The following ACVR2A variants were observed in gnomAD, a reference collection of about 807,000 sequenced individuals.
The protein encoded by ACVR2A is activin receptor type-2A.
A neutral mutation model predicts 61.4 loss-of-function variants in ACVR2A; 7 were observed. The observed-to-expected ratio is 0.11, with a 90% CI of 0.06 to 0.21. ACVR2A has a LOEUF of 0.21. Among genes scored for constraint, ACVR2A ranks in the 10% least tolerant of loss-of-function variants. The probability of loss-of-function intolerance (pLI) is 1.00; values close to 1 mark genes in which losing one functional copy is unlikely to be tolerated. For synonymous variants in ACVR2A, 193 were observed against 208.3 expected, an observed-to-expected ratio of 0.93 and a Z score of 0.63; for missense variants, 322 against 621.7, an observed-to-expected ratio of 0.52 and a Z score of 5.13.
intron 1 of ACVR2A, among the ~76,000 whole-genome samples, chr2:147,870,991 A>G (rs1418809174): frequency 6.6e-6 from 1 of 152,092 alleles, no homozygotes; most frequent in African/African-American, 2.4e-5. Context: ...ATTTTCAATA[A>G]ATTTCTAAAT....
chr2:147,876,670 CTCT>C (rs969462788), intron 1 of ACVR2A, among the ~76,000 whole-genome samples: 2 of 152,010 alleles, frequency 1.3e-5, no homozygotes, highest in African/African-American at 4.8e-5. Flanking sequence ...CAGTTGTTTC[CTCT>C]TCTTAATTTG....
chr2:147,871,768 T>C (rs2105158538), intron 1 of ACVR2A, among the ~76,000 whole-genome samples: 1 of 152,132 alleles, frequency 6.6e-6, no homozygotes, highest in East Asian at 1.9e-4. Flanking sequence ...AAAGACAAAC[T>C]TGCCTTCTAC....
At chr2:147,896,837 A>G (rs1373402236) in intron 2 of ACVR2A, 1 of 205,520 alleles carries the variant, frequency 4.9e-6, no homozygotes, top group Non-Finnish European at 1.0e-5. Flanking sequence ...ATTACTTTAA[A>G]AGAGTATATC....
chr2:147,883,437 C>T (rs1301199762), intron 1 of ACVR2A, among the ~76,000 whole-genome samples: 7 of 152,302 alleles, frequency 4.6e-5, no homozygotes, highest in Admixed American at 1.3e-4. Context: ...GTTATCTGCC[C>T]GCCTTGGCTT....
rs1430491386 is a variant in ACVR2A, at chr2:147,928,311, G to GTATT, written c.*1039_*1042dup. 3.3e-5 allele frequency: 5 copies of GTATT among 152,200 alleles called. No individual in the cohort carries two copies. Among genetic ancestry groups the GTATT allele is most frequent in the African/African-American group, 1.2e-4 (5 of 41,374 alleles). 9.4% of individuals were successfully genotyped at this position (152,200 alleles called of 1,614,324 possible). On this transcript the variant is annotated 3_prime_UTR_variant, in exon 11 of 11. Transcript: ENST00000241416. ...CTATTTATATATGTAAAATTGTAGT[G>GTATT]TATTTCTTTTCACCAAACAGTGTGT...
At chr2:147,875,882 A>G (rs1463227582) in intron 1 of ACVR2A, among the ~76,000 whole-genome samples, 1 of 152,134 alleles carries the variant, frequency 6.6e-6, no homozygotes, top group Admixed American at 6.6e-5. Flanking sequence ...GGAAGATCAT[A>G]GGACATGTAA....
At chr2:147,919,072 C>T (rs896730853) in intron 7 of ACVR2A, among the ~76,000 whole-genome samples, 1 of 151,888 alleles carries the variant, frequency 6.6e-6, no homozygotes, top group Middle Eastern at 3.2e-3. Context: ...TTGTCATGCC[C>T]GCAAAAGGAA....
intron 4 of ACVR2A, among the ~76,000 whole-genome samples, chr2:147,905,769 A>T (rs1686974774): frequency 6.6e-6 from 1 of 152,126 alleles, no homozygotes; most frequent in South Asian, 2.1e-4. Context: ...CTCATCAGGC[A>T]TATATAATTT....
intron 4 of ACVR2A, chr2:147,902,831 C>G (rs912983527): frequency 6.6e-6 from 1 of 151,990 alleles, no homozygotes; most frequent in African/African-American, 2.4e-5. Flanking sequence ...CCCCATATTT[C>G]AACTTTACAT....
In ACVR2A at chr2:147,896,619, T is replaced by G. The variant is rs145758326; in HGVS notation, c.263+111T>G. On this transcript the variant is annotated intron_variant, in intron 2 of 10. Coordinates refer to ENST00000241416, the MANE Select transcript of ACVR2A (RefSeq NM_001616.5). Reference sequence around the variant, plus strand: ...ATTTTCACTTAAATGTTTCTTGCTTTTTAAAAAATGGGATTATAAAGAACA... The same window carrying G: ...ATTTTCACTTAAATGTTTCTTGCTTGTTAAAAAATGGGATTATAAAGAACA... 3.1e-4 allele frequency: 319 copies of G among 1,038,816 alleles called. 1 individual carries two copies. In the African/African-American group the frequency reaches 3.4e-3, roughly 11 times the overall value. 64.3% of individuals were successfully genotyped at this position (1,038,816 alleles called of 1,614,324 possible). A position where few individuals can be genotyped will look rare whatever the true frequency, so the allele number is the denominator to read the frequency against.
chr2:147,899,733 C>G lies in ACVR2A; in HGVS notation c.374-11C>G, dbSNP rs538847975. 4 of 1,610,908 alleles carry G rather than the reference C, an allele frequency of 2.5e-6. No homozygotes were observed. In the East Asian group the frequency reaches 8.9e-5, roughly 36 times the overall value. Reference sequence around the variant, plus strand: ...CCAAATCTGAGTTATTTTTCCCCCCCTTTTCCACAGCCACTTCAAATCCAG... The same window carrying G: ...CCAAATCTGAGTTATTTTTCCCCCCGTTTTCCACAGCCACTTCAAATCCAG... On this transcript the variant is annotated splice_polypyrimidine_tract_variant and intron_variant, in intron 3 of 10. Transcript: ENST00000241416.
chr2:147,929,854 C>CTGA lies in ACVR2A; in HGVS notation c.*2582_*2584dup, dbSNP rs1269143459. ...ATGACTCGTCTTGTATTTTGCCTTT[C>CTGA]TGATACCCATCAGAACTGCTGCTGC... On this transcript the variant is annotated 3_prime_UTR_variant, in exon 11 of 11. Coordinates refer to ENST00000241416, the MANE Select transcript of ACVR2A (RefSeq NM_001616.5). The CTGA allele has an allele frequency of 2.6e-5, 4 of 152,348 alleles. No homozygotes were observed. The highest frequency in any genetic ancestry group is 6.6e-5 in the Admixed American group (1 of 15,204). 9.4% of individuals were successfully genotyped at this position (152,348 alleles called of 1,614,324 possible). A position where few individuals can be genotyped will look rare whatever the true frequency, so the allele number is the denominator to read the frequency against.
At chr2:147,876,983 T>TTATTA (rs1686173185) in intron 1 of ACVR2A, among the ~76,000 whole-genome samples, 4 of 152,140 alleles carry the variant, frequency 2.6e-5, no homozygotes, top group African/African-American at 4.8e-5. Flanking sequence ...AAGGGATAAC[T>TTATTA]GGTAGCCTTA....
intron 6 of ACVR2A, 69 bp downstream of exon 6, chr2:147,917,495 TC>T: frequency 6.7e-7 from 1 of 1,503,560 alleles, no homozygotes; most frequent in Non-Finnish European, 9.0e-7. Flanking sequence ...TGGCTATAAA[TC>T]CCTCAGAGTT....
rs1454559786 is a variant in ACVR2A, at chr2:147,930,127, T to G, written c.*2853T>G. ...CTTCACGATTGTTAGTCCCATGAAC[T>G]TGCACTATCTATCTTTCATGGTGAT... is the stretch of plus-strand genomic sequence containing the variant. On this transcript the variant is annotated 3_prime_UTR_variant, in exon 11 of 11. Coordinates refer to ENST00000241416, the MANE Select transcript of ACVR2A (RefSeq NM_001616.5). 6.6e-6 allele frequency: 1 copy of G among 152,512 alleles called. No individual in the cohort carries two copies. The highest frequency in any genetic ancestry group is 2.4e-5 in the African/African-American group (1 of 41,432). 9.4% of individuals were successfully genotyped at this position (152,512 alleles called of 1,614,324 possible).
At chr2:147,882,064 CTT>C (rs1228062517) in intron 1 of ACVR2A, among the ~76,000 whole-genome samples, 1 of 152,058 alleles carries the variant, frequency 6.6e-6, no homozygotes, top group Non-Finnish European at 1.5e-5. Context: ...GACTCTAAAA[CTT>C]TTATGTTGAG....
chr2:147,915,022 C>A (rs1479038892), intron 4 of ACVR2A, among the ~76,000 whole-genome samples, 169 bp from the exon 5 acceptor site: 1 of 151,842 alleles, frequency 6.6e-6, no homozygotes, highest in Admixed American at 6.6e-5. Flanking sequence ...CTTGTGATCA[C>A]TATAGATAAT....
chr2:147,854,747 A>G (rs1381512840), intron 1 of ACVR2A, among the ~76,000 whole-genome samples: 1 of 152,234 alleles, frequency 6.6e-6, no homozygotes, highest in African/African-American at 2.4e-5. Flanking sequence ...TCTGAAGCTT[A>G]TAGTCATAAA....
chr2:147,913,611 C>T (rs1358682872), intron 4 of ACVR2A, among the ~76,000 whole-genome samples: 4 of 151,406 alleles, frequency 2.6e-5, no homozygotes, highest in Admixed American at 6.6e-5. Context: ...TAGAATTTCT[C>T]GGATAGAGGT....
Sources: allele counts gnomAD v4.1 joint callset (sites outside exome capture counted in the v4.1 genomes callset), GRCh38; gene constraint gnomAD v4.1.1; transcripts MANE v1.5; gene names NCBI Gene and HGNC (gene_info 2026-07-23, HGNC 2026-07-21).